Variants in GALNT14 observed in about 807,000 individuals in gnomAD.
The protein encoded by GALNT14 is UDP-GalNAc:polypeptide N-acetylgalactosaminyltransferase 14.
In GALNT14, 60 loss-of-function variants were observed where a neutral mutation model predicts 77.5. That is an observed-to-expected ratio of 0.77 (90% CI 0.63 to 0.96). The LOEUF (loss-of-function observed/expected upper bound fraction) is 0.96. Among genes scored for constraint, GALNT14 ranks in the 40% least tolerant of loss-of-function variants. The probability of loss-of-function intolerance (pLI) is 0.00; values close to 1 mark genes in which losing one functional copy is unlikely to be tolerated. For synonymous variants in GALNT14, 280 were observed against 281.7 expected, an observed-to-expected ratio of 0.99 and a Z score of 0.06; for missense variants, 710 against 731.0, an observed-to-expected ratio of 0.97 and a Z score of 0.33.
At chr2:30,998,803 G>A (rs1287006213) in intron 1 of GALNT14, among the ~76,000 whole-genome samples, 1 of 152,178 alleles carries the variant, frequency 6.6e-6, no homozygotes, top group Non-Finnish European at 1.5e-5. Context: ...TTTGCCATTA[G>A]GCAGCACGGC....
intron 1 of GALNT14, among the ~76,000 whole-genome samples, chr2:31,017,971 C>T (rs4952025): frequency 0.42 from 63,524 of 152,106 alleles, 13,488 homozygotes; most frequent in East Asian, 0.55. Flanking sequence ...GGTAAAATTG[C>T]CCTCGCCACA....
the GALNT14 span, among the ~76,000 whole-genome samples, chr2:30,896,613 T>C: frequency 6.6e-6 from 1 of 152,214 alleles, no homozygotes; most frequent in African/African-American, 2.4e-5. Flanking sequence ...GCAAGCACTG[T>C]ATAAGTGGTT....
intron 1 of GALNT14, among the ~76,000 whole-genome samples, chr2:31,088,440 C>T (rs1310572969): frequency 6.6e-6 from 1 of 152,078 alleles, no homozygotes; most frequent in Non-Finnish European, 1.5e-5. Flanking sequence ...ATGTGCTTGC[C>T]TGATTGGGCT....
At chr2:30,987,021 A>C (rs572550684) in intron 2 of GALNT14, 1 of 152,308 alleles carries the variant, frequency 6.6e-6, no homozygotes, top group South Asian at 2.1e-4. Context: ...AATTGTGTGG[A>C]GACTTGAGGA....
At chr2:31,116,761 T>C (rs563364348) in intron 1 of GALNT14, among the ~76,000 whole-genome samples, 1 of 152,082 alleles carries the variant, frequency 6.6e-6, no homozygotes, top group Admixed American at 6.6e-5. Context: ...TAAAGAATAT[T>C]TGGCCAGGCG....
chr2:30,906,132 A>G (rs1412703708), downstream of GALNT14, among the ~76,000 whole-genome samples: 3 of 149,304 alleles, frequency 2.0e-5, no homozygotes, highest in South Asian at 6.6e-4. Flanking sequence ...GACCATCGAG[A>G]CTAGGAAGAA....
rs150290236 is a variant in GALNT14 at position 31,090,855 on chromosome 2, T to C, written c.129+47103A>G. Among the ~76,000 whole-genome samples, 1,303 of 141,148 alleles carry C rather than the reference T, an allele frequency of 9.2e-3. 17 individuals carry two copies. Among genetic ancestry groups the C allele is most frequent in the African/African-American group, 0.033 (1,250 of 38,264 alleles). The allele number at this position is 141,148 out of a possible 152,430, so 92.6% of individuals were successfully genotyped here. On this transcript the variant is annotated intron_variant, in intron 1 of 14. Coordinates refer to ENST00000349752, the MANE Select transcript of GALNT14 (RefSeq NM_024572.4). ...CTGTGAAGAGAACATTAAAAATATC[T>C]ACTTCACTGGCACTGTGAGAAGTAA...
At chr2:31,021,644 C>G (rs1435751549) in intron 1 of GALNT14, among the ~76,000 whole-genome samples, 1 of 152,180 alleles carries the variant, frequency 6.6e-6, no homozygotes, top group African/African-American at 2.4e-5. Context: ...GAAACATAGC[C>G]AAGCCCATTT....
intron 1 of GALNT14, among the ~76,000 whole-genome samples, chr2:31,080,207 A>G (rs1676072802): frequency 6.6e-6 from 1 of 152,248 alleles, no homozygotes; most frequent in Non-Finnish European, 1.5e-5. Context: ...TCAGCACCTT[A>G]GGTCAGCAAG....
At chr2:31,072,440 C>T (rs1272206094) in intron 1 of GALNT14, among the ~76,000 whole-genome samples, 1 of 151,922 alleles carries the variant, frequency 6.6e-6, no homozygotes, top group South Asian at 2.1e-4. Context: ...CGCCTGACCT[C>T]TCCTCTCTTT....
the GALNT14 span, among the ~76,000 whole-genome samples, chr2:30,890,145 T>C: frequency 1.3e-5 from 2 of 152,040 alleles, no homozygotes; most frequent in Non-Finnish European, 2.9e-5. Context: ...TGGCCACCAG[T>C]AAAGGAGGAG....
intron 1 of GALNT14, among the ~76,000 whole-genome samples, chr2:31,108,160 C>T (rs867522351): frequency 2.0e-5 from 3 of 152,240 alleles, no homozygotes; most frequent in Middle Eastern, 3.4e-3. Flanking sequence ...CAGGAAATAC[C>T]AAGGCCAGAC....
At chr2:30,976,725 T>C (rs114877968) in intron 2 of GALNT14, among the ~76,000 whole-genome samples, 1,644 of 152,274 alleles carry the variant, frequency 0.011, 34 homozygotes, top group African/African-American at 0.038. Flanking sequence ...ATTTTTGAAA[T>C]GTTTCCTAAA....
intron 1 of GALNT14, among the ~76,000 whole-genome samples, chr2:31,082,237 AAC>A (rs1445311627): frequency 2.6e-5 from 4 of 152,262 alleles, no homozygotes; most frequent in African/African-American, 9.6e-5. Context: ...ACCTACAGAT[AAC>A]ACACAACAAG....
intron 1 of GALNT14, among the ~76,000 whole-genome samples, chr2:31,094,576 T>G (rs1261253847): frequency 1.3e-5 from 2 of 152,214 alleles, no homozygotes; most frequent in Non-Finnish European, 2.9e-5. Flanking sequence ...TAGGATAGCC[T>G]TGGGCCTCCT....
At chr2:31,074,541 G>T (rs1327778970) in intron 1 of GALNT14, among the ~76,000 whole-genome samples, 1 of 152,110 alleles carries the variant, frequency 6.6e-6, no homozygotes, top group African/African-American at 2.4e-5. Context: ...CAGCTTACAG[G>T]TCTGCCTGGG....
intron 14 of GALNT14, among the ~76,000 whole-genome samples, chr2:30,912,005 C>T (rs1422102044): frequency 6.6e-6 from 1 of 152,174 alleles, no homozygotes; most frequent in Non-Finnish European, 1.5e-5. Context: ...AATCAATAGG[C>T]TTTCATGGGG....
At chr2:31,123,705 G>A (rs1678537084) in intron 1 of GALNT14, among the ~76,000 whole-genome samples, 2 of 152,148 alleles carry the variant, frequency 1.3e-5, no homozygotes, top group African/African-American at 2.4e-5. Flanking sequence ...AGTTTTCTGA[G>A]CTAACGGAAG....
chr2:30,938,530 C>A (rs1315344983), intron 9 of GALNT14, among the ~76,000 whole-genome samples: 1 of 152,134 alleles, frequency 6.6e-6, no homozygotes, highest in East Asian at 1.9e-4. Flanking sequence ...TAATGCAAAT[C>A]AACTTCTGAA....
Sources: gnomAD v4.1 joint callset for allele counts (sites outside exome capture counted in the v4.1 genomes callset) on GRCh38, gnomAD v4.1.1 for gene constraint, MANE v1.5 for transcripts, NCBI Gene and HGNC (gene_info 2026-07-23, HGNC 2026-07-21) for gene names.